Variants in BNIP3 observed in about 807,000 individuals in gnomAD.
The protein encoded by BNIP3 is BCL2 interacting protein 3, also known as BCL2/adenovirus E1B 19 kDa protein-interacting protein 3.
In BNIP3, 16 loss-of-function variants were observed where a neutral mutation model predicts 23.9. The observed-to-expected ratio is 0.67, with a 90% CI of 0.45 to 1.01. BNIP3 has a LOEUF of 1.01. Ranked by LOEUF, BNIP3 falls within the 50% of genes least tolerant of loss-of-function variation. The pLI, the probability that BNIP3 is intolerant of heterozygous loss-of-function variation, is 0.00. For missense variants in BNIP3, 198 were observed against 248.7 expected (o/e 0.80, Z 1.37); for synonymous variants, 81 against 89.3 (o/e 0.91, Z 0.53).
At chr10:131,973,979 C>A (rs779434506) in intron 1 of BNIP3, 36 bp from the exon 2 acceptor site, 8 of 1,611,104 alleles carry the variant, frequency 5.0e-6, no homozygotes, top group Non-Finnish European at 6.8e-6. Flanking sequence ...AGATGGAATT[C>A]TCTACCCACT....
Position 131,968,298 on chromosome 10 carries a change from G to A in BNIP3, c.*226C>T. On this transcript the variant is annotated 3_prime_UTR_variant, in exon 6 of 6. Transcript: ENST00000368636. ...GAAAATTTACTACCAAATTTTCACAGTAGACATTAATCAGTCTGACATGCT... is the reference window on the plus strand; with the variant it reads ...GAAAATTTACTACCAAATTTTCACAATAGACATTAATCAGTCTGACATGCT... 2.7e-6 allele frequency: 1 copy of A among 374,792 alleles called. No individual in the cohort carries two copies. Among genetic ancestry groups the A allele is most frequent in the Non-Finnish European group, 4.8e-6 (1 of 207,816 alleles). The allele number at this position is 374,792 out of a possible 1,614,324, so 23.2% of individuals were successfully genotyped here.
rs1333730674 is a variant in BNIP3 at position 131,970,578 on chromosome 10, T to C, written c.539+60A>G. 6 of 1,577,946 alleles carry C rather than the reference T, an allele frequency of 3.8e-6. No homozygotes were observed. Among genetic ancestry groups the C allele is most frequent in the African/African-American group, 1.4e-5 (1 of 73,860 alleles). ...AGGAAACAGGTTACGAATAAATCACTGCAACCCAGAATCGCCCCACGACAT... is the reference window on the plus strand; with the variant it reads ...AGGAAACAGGTTACGAATAAATCACCGCAACCCAGAATCGCCCCACGACAT... On this transcript the variant is annotated intron_variant, in intron 5 of 5. Coordinates refer to ENST00000368636, the MANE Select transcript of BNIP3 (RefSeq NM_004052.4). The surrounding 1 kb of genome is among the most constrained non-coding windows in gnomAD (Gnocchi z 4.1).
intron 1 of BNIP3, among the ~76,000 whole-genome samples, chr10:131,979,522 C>CGCCACCGA (rs770256289): frequency 2.0e-5 from 3 of 152,110 alleles, no homozygotes; most frequent in Non-Finnish European, 4.4e-5. Flanking sequence ...GTGATGCCCC[C>CGCCACCGA]GCCACCGTGA....
rs1042132590 is a variant in BNIP3, at chr10:131,976,089, G to A, written c.47-2146C>T. The stretch of plus-strand genomic sequence containing the variant: ...CTGCGGTTCAAGATGCCATGCGGCC[G>A]GCTAGCCATGGCCTGCCCCTGAGAG... On this transcript the variant is annotated intron_variant, in intron 1 of 5. Coordinates refer to ENST00000368636, the MANE Select transcript of BNIP3 (RefSeq NM_004052.4). This position sits in a 1 kb window ranked among gnomAD's most constrained non-coding sequence, Gnocchi z 4.3. Among the ~76,000 whole-genome samples, 12 of 152,188 alleles carry A rather than the reference G, an allele frequency of 7.9e-5. No individual in the cohort carries two copies. The highest frequency in any genetic ancestry group is 1.6e-4 in the Non-Finnish European group (11 of 68,030).
intron 1 of BNIP3, among the ~76,000 whole-genome samples, chr10:131,978,366 T>C (rs571628114): frequency 1.3e-5 from 2 of 150,934 alleles, no homozygotes; most frequent in East Asian, 3.9e-4. Context: ...ATCCATTTCT[T>C]ATTCTCACTT....
At chr10:131,971,916 G>A (rs1285762363) in intron 3 of BNIP3, among the ~76,000 whole-genome samples, 3 of 152,212 alleles carry the variant, frequency 2.0e-5, no homozygotes, top group Non-Finnish European at 2.9e-5. Flanking sequence ...TGAGGGAAGC[G>A]CTAGCACGGA....
At chr10:131,979,440 C>G (rs539952935) in intron 1 of BNIP3, among the ~76,000 whole-genome samples, 19 of 152,280 alleles carry the variant, frequency 1.2e-4, no homozygotes, top group African/African-American at 4.6e-4. Context: ...AAACACGGCC[C>G]TCCAGAGTAA....
rs782673860 is a variant in BNIP3 at position 131,968,043 on chromosome 10, T to C, written c.*481A>G. 1.3e-5 allele frequency: 2 copies of C among 153,396 alleles called. No homozygotes were observed. Among genetic ancestry groups the C allele is most frequent in the Non-Finnish European group, 2.9e-5 (2 of 68,788 alleles). 9.5% of individuals were successfully genotyped at this position (153,396 alleles called of 1,614,324 possible). On this transcript the variant is annotated 3_prime_UTR_variant, in exon 6 of 6. Coordinates refer to ENST00000368636, the MANE Select transcript of BNIP3 (RefSeq NM_004052.4). Reference sequence around the variant, plus strand: ...ATCTTTCTTTAGTAGACAACCTGCATCCATTTAAATTAAATAATACTTTCT... The same window carrying C: ...ATCTTTCTTTAGTAGACAACCTGCACCCATTTAAATTAAATAATACTTTCT...
chr10:131,980,872 C>A (rs2037113729), intron 1 of BNIP3: 1 of 152,184 alleles, frequency 6.6e-6, no homozygotes, highest in Non-Finnish European at 1.5e-5. Context: ...GTCCCTCCTC[C>A]GAGGCTTTGG....
At chr10:131,971,404 G>T (rs1442556648) in intron 3 of BNIP3, 1 of 188,262 alleles carries the variant, frequency 5.3e-6, no homozygotes, top group Non-Finnish European at 1.1e-5. Context: ...ACTGTATAGT[G>T]AGCAGGTTTA....
intron 3 of BNIP3, among the ~76,000 whole-genome samples, chr10:131,971,780 CCA>C (rs2133691424): frequency 1.3e-5 from 2 of 152,328 alleles, no homozygotes; most frequent in South Asian, 4.1e-4. Flanking sequence ...CTGGATGCAC[CCA>C]CACACCCACA....
At position 131,976,017 on chromosome 10, in the gene BNIP3, G is replaced by C. The variant is rs952708752; in HGVS notation, c.47-2074C>G. ...ATTCCTGAAGCCGCTCATCTGACCA[G>C]ACAGTATTGCCAAGTACTCTGATGT... On this transcript the variant is annotated intron_variant, in intron 1 of 5. Transcript: ENST00000368636. This position sits in a 1 kb window ranked among gnomAD's most constrained non-coding sequence, Gnocchi z 4.3. 2.0e-5 allele frequency among the ~76,000 whole-genome samples: 3 copies of C among 152,194 alleles called. No homozygotes were observed. Among genetic ancestry groups the C allele is most frequent in the African/African-American group, 7.2e-5 (3 of 41,448 alleles).
At chr10:131,977,196 GA>G (rs1353356123) in intron 1 of BNIP3, among the ~76,000 whole-genome samples, 1 of 152,080 alleles carries the variant, frequency 6.6e-6, no homozygotes, top group Non-Finnish European at 1.5e-5. Context: ...TTGAACCTGA[GA>G]GGGGGAGGTT....
At position 131,973,026 on chromosome 10, in the gene BNIP3, C is replaced by G; in HGVS notation, c.282+8G>C. 4.3e-6 allele frequency: 7 copies of G among 1,610,552 alleles called. No homozygotes were observed. The highest frequency in any genetic ancestry group is 5.9e-6 in the Non-Finnish European group (7 of 1,176,806). The stretch of plus-strand genomic sequence containing the variant: ...CTTTTACAACTGCACATTCTCCTTC[C>G]AGCTTACCTGTGAGCTGTTTTTCTC... On this transcript the variant is annotated splice_region_variant and intron_variant, in intron 3 of 5. Coordinates refer to ENST00000368636, the MANE Select transcript of BNIP3 (RefSeq NM_004052.4).
At chr10:131,978,381 T>TA (rs11484265) in intron 1 of BNIP3, among the ~76,000 whole-genome samples, 18,440 of 134,852 alleles carry the variant, frequency 0.14, 1,311 homozygotes, top group East Asian at 0.35. Flanking sequence ...TCACTTTGTG[T>TA]AAAAAAAAAA....
At position 131,970,418 on chromosome 10, in the gene BNIP3, A is replaced by C. The variant is rs1481496096; in HGVS notation, c.539+220T>G. The C allele has an allele frequency of 8.0e-6, 5 of 626,376 alleles. No individual in the cohort carries two copies. Among genetic ancestry groups the C allele is most frequent in the Non-Finnish European group, 1.4e-5 (5 of 367,462 alleles). The allele number at this position is 626,376 out of a possible 1,614,324, so 38.8% of individuals were successfully genotyped here. A position where few individuals can be genotyped will look rare whatever the true frequency, so the allele number is the denominator to read the frequency against. The stretch of plus-strand genomic sequence containing the variant: ...TCAGTGAGCAACAGGCAGACTCGTC[A>C]GGCCAGACAGCAGCACCACAGGGCG... On this transcript the variant is annotated intron_variant, in intron 5 of 5. Coordinates refer to ENST00000368636, the MANE Select transcript of BNIP3 (RefSeq NM_004052.4). This position sits in a 1 kb window ranked among gnomAD's most constrained non-coding sequence, Gnocchi z 4.1.
chr10:131,981,452 C>T, intron 1 of BNIP3: 2 of 405,724 alleles, frequency 4.9e-6, no homozygotes, highest in South Asian at 6.9e-5. Context: ...CGCAGATTCA[C>T]CTCCAGGTGG....
intron 1 of BNIP3, 151 bp downstream of exon 1, chr10:131,981,610 G>A (rs1452193104): frequency 2.0e-6 from 2 of 995,600 alleles, no homozygotes; most frequent in African/African-American, 1.7e-5. Context: ...CCCGCAGGAG[G>A]GGTGGGTACG....
chr10:131,972,146 A>G (rs1054291566), intron 3 of BNIP3, among the ~76,000 whole-genome samples: 8 of 152,226 alleles, frequency 5.3e-5, no homozygotes, highest in Admixed American at 1.3e-4. Context: ...GGAAGGGAGA[A>G]CGATAGTACA....
Sources: gnomAD v4.1 joint callset for allele counts (sites outside exome capture counted in the v4.1 genomes callset) on GRCh38, gnomAD v4.1.1 for gene constraint, Gnocchi (gnomAD v3.1) non-coding constraint, MANE v1.5 for transcripts, NCBI Gene and HGNC (gene_info 2026-07-23, HGNC 2026-07-21) for gene names.